The following PLCH1 variants were observed in gnomAD, a reference collection of about 807,000 sequenced individuals.
PLCH1 encodes 1-phosphatidylinositol 4,5-bisphosphate phosphodiesterase eta-1.
Under a neutral mutation model 126.7 loss-of-function variants are expected in PLCH1, and 60 were observed. The ratio of observed to expected loss-of-function variants is 0.47; its 90% CI spans 0.38 to 0.59. PLCH1 has a LOEUF of 0.59. Among genes scored for constraint, PLCH1 ranks in the 20% least tolerant of loss-of-function variants. The pLI is 0.00. For missense variants in PLCH1, 1,723 were observed against 2,040.0 expected (o/e 0.84, Z 2.99); for synonymous variants, 719 against 734.9 (o/e 0.98, Z 0.35).
At chr3:155,523,576 C>A (rs1025362233) in intron 11 of PLCH1, among the ~76,000 whole-genome samples, 11 of 152,210 alleles carry the variant, frequency 7.2e-5, no homozygotes, top group African/African-American at 2.4e-4. Context: ...AAAAGTAAAG[C>A]CAGCTTTTAT....
At chr3:155,690,105 T>C (rs966671275) in intron 2 of PLCH1, among the ~76,000 whole-genome samples, 2 of 151,378 alleles carry the variant, frequency 1.3e-5, no homozygotes, top group Admixed American at 6.6e-5. Context: ...GCAGCAGACT[T>C]TTCAGTGGGA....
intron 2 of PLCH1, among the ~76,000 whole-genome samples, chr3:155,666,501 GC>G (rs1281458387): frequency 6.6e-6 from 1 of 152,106 alleles, no homozygotes; most frequent in Non-Finnish European, 1.5e-5. Context: ...ATACAACTGG[GC>G]TAAGTGAATA....
chr3:155,672,471 G>A (rs1476588800), intron 2 of PLCH1, among the ~76,000 whole-genome samples: 1 of 152,080 alleles, frequency 6.6e-6, no homozygotes, highest in Non-Finnish European at 1.5e-5. Context: ...CCAAGAAATG[G>A]CCACAGACCT....
chr3:155,696,637 C>A (rs1051917196), intron 2 of PLCH1, among the ~76,000 whole-genome samples: 6 of 152,170 alleles, frequency 3.9e-5, no homozygotes, highest in Non-Finnish European at 7.3e-5. Flanking sequence ...GGAAATAATT[C>A]TCAGAAGTAA....
intron 21 of PLCH1, among the ~76,000 whole-genome samples, chr3:155,451,280 A>T (rs891023621): frequency 1.3e-5 from 2 of 151,110 alleles, no homozygotes; most frequent in African/African-American, 4.9e-5. Context: ...GAAAAACAGG[A>T]TATTTACATG....
At chr3:155,495,957 A>G (rs73874817) in intron 15 of PLCH1, among the ~76,000 whole-genome samples, 2,516 of 152,346 alleles carry the variant, frequency 0.017, 66 homozygotes, top group African/African-American at 0.057. Context: ...AGGAGAAAAT[A>G]TCTTTTTGAC....
chr3:155,484,013 C>T (rs1044579756), intron 22 of PLCH1, among the ~76,000 whole-genome samples: 2 of 151,784 alleles, frequency 1.3e-5, no homozygotes, highest in African/African-American at 4.8e-5. Flanking sequence ...AAATTAAATA[C>T]CATATGATGT....
intron 2 of PLCH1, among the ~76,000 whole-genome samples, chr3:155,692,374 A>G (rs936691007): frequency 4.6e-5 from 7 of 152,122 alleles, no homozygotes; most frequent in Non-Finnish European, 1.0e-4. Context: ...TCAACCAACA[A>G]CTTCAATGCA....
At chr3:155,548,944 T>A (rs565425161) in intron 10 of PLCH1, among the ~76,000 whole-genome samples, 1 of 152,330 alleles carries the variant, frequency 6.6e-6, no homozygotes, top group East Asian at 1.9e-4. Context: ...ATTGCCTCCT[T>A]GACTTTCCTG....
chr3:155,520,902 G>C (rs562670414), intron 11 of PLCH1, among the ~76,000 whole-genome samples: 1 of 152,306 alleles, frequency 6.6e-6, no homozygotes, highest in East Asian at 1.9e-4. Context: ...AAACTTAACA[G>C]TATGGCTTAA....
chr3:155,715,453 C>T (rs1196038827), intron 1 of PLCH1, among the ~76,000 whole-genome samples: 3 of 151,728 alleles, frequency 2.0e-5, no homozygotes, highest in Non-Finnish European at 4.4e-5. Flanking sequence ...CACAGGCATG[C>T]GCCAACACAC....
At chr3:155,458,441 GGAAGGAAGGAAGGAAAGAAA>G (rs1177979009) in intron 21 of PLCH1, among the ~76,000 whole-genome samples, 288 of 56,338 alleles carry the variant, frequency 5.1e-3, no homozygotes, top group Non-Finnish European at 6.1e-3. Flanking sequence ...AAGGAAGGAA[GGAAGGAAGGAAGGAAAGAAA>G]GAAAGAAAGA....
chr3:155,626,836 T>C (rs966121131), intron 2 of PLCH1, among the ~76,000 whole-genome samples: 3 of 131,170 alleles, frequency 2.3e-5, no homozygotes, highest in African/African-American at 8.2e-5. Flanking sequence ...TGCAAAAATA[T>C]CTATATAAAC....
chr3:155,730,801 C>T (rs937975002), intron 1 of PLCH1, among the ~76,000 whole-genome samples: 2 of 152,220 alleles, frequency 1.3e-5, no homozygotes, highest in Admixed American at 6.5e-5. Flanking sequence ...GACAGTTTTA[C>T]ATTACCCAGG....
At chr3:155,677,805 C>T (rs73007060) in intron 2 of PLCH1, among the ~76,000 whole-genome samples, 7,280 of 152,042 alleles carry the variant, frequency 0.048, 461 homozygotes, top group African/African-American at 0.14. Context: ...ATTAGTGGTC[C>T]GAACACAAGA....
intron 21 of PLCH1, among the ~76,000 whole-genome samples, chr3:155,474,261 G>A (rs2107986223): frequency 6.7e-6 from 1 of 148,172 alleles, no homozygotes; most frequent in South Asian, 2.2e-4. Context: ...CAAAAAGTGG[G>A]CGAAGGACAT....
intron 2 of PLCH1, among the ~76,000 whole-genome samples, chr3:155,638,711 CTT>C (rs1303654171): frequency 3.3e-5 from 5 of 152,350 alleles, no homozygotes; most frequent in Admixed American, 1.3e-4. Flanking sequence ...TACAAACTCT[CTT>C]GTTATTTAAT....
At chr3:155,487,887 G>A (rs2108052720) in intron 21 of PLCH1, 141 bp downstream of exon 21, 1 of 607,236 alleles carries the variant, frequency 1.6e-6, no homozygotes, top group Non-Finnish European at 3.0e-6. Flanking sequence ...TGGAATAGCA[G>A]ACTGGGCTTG....
intron 10 of PLCH1, among the ~76,000 whole-genome samples, chr3:155,536,109 G>T (rs1193729579): frequency 6.6e-6 from 1 of 152,200 alleles, no homozygotes; most frequent in Non-Finnish European, 1.5e-5. Flanking sequence ...GAAGTCCCAT[G>T]CCTAGAGGAA....
Sources: allele counts gnomAD v4.1 joint callset (sites outside exome capture counted in the v4.1 genomes callset), GRCh38; gene constraint gnomAD v4.1.1; transcripts MANE v1.5; gene names NCBI Gene and HGNC (gene_info 2026-07-23, HGNC 2026-07-21).